The following NRXN1 variants were observed in gnomAD, a reference collection of about 807,000 sequenced individuals.
The protein encoded by NRXN1 is neurexin-1.
NRXN1 carries 39 observed loss-of-function variants against 150.9 expected under a neutral mutation model. The observed-to-expected ratio is 0.26, with a 90% CI of 0.20 to 0.34. NRXN1 has a LOEUF of 0.34. NRXN1 is among the 10% of genes least tolerant of loss of function. The pLI, the probability that NRXN1 is intolerant of heterozygous loss-of-function variation, is 1.00. For missense variants in NRXN1, 1,815 were observed against 1,949.9 expected (o/e 0.93, Z 1.30); for synonymous variants, 924 against 757.0 (o/e 1.22, Z -3.62).
Position 50,055,046 on chromosome 2 carries a change from T to C in NRXN1, c.3719-2A>G. The C allele has an allele frequency of 6.3e-7, 1 of 1,577,460 alleles. No individual in the cohort carries two copies. The highest frequency in any genetic ancestry group is 8.6e-7 in the Non-Finnish European group (1 of 1,160,500). ...CCAGGCGCTCGTTATCATTGTTTCCTTTAAAGTTTAAAGAGACATTTCATT... is the reference window on the plus strand; with the variant it reads ...CCAGGCGCTCGTTATCATTGTTTCCCTTAAAGTTTAAAGAGACATTTCATT... On this transcript the variant is annotated splice_acceptor_variant, in intron 19 of 22. Transcript: ENST00000401669. LOFTEE classifies it high-confidence loss of function.
intron 19 of NRXN1, among the ~76,000 whole-genome samples, chr2:50,090,878 A>G (rs1699466693): frequency 6.6e-6 from 1 of 152,004 alleles, no homozygotes; most frequent in Non-Finnish European, 1.5e-5. Context: ...CTACACTTTA[A>G]TGTGTTTCAG....
At chr2:50,525,053 CACTTGAGAA>C (rs1190499617) in intron 12 of NRXN1, among the ~76,000 whole-genome samples, 8 of 152,124 alleles carry the variant, frequency 5.3e-5, no homozygotes, top group African/African-American at 1.9e-4. Context: ...ACTAACAATG[CACTTGAGAA>C]AATTTCACAA....
At chr2:50,280,474 C>T (rs1289999177) in intron 17 of NRXN1, among the ~76,000 whole-genome samples, 4 of 152,040 alleles carry the variant, frequency 2.6e-5, no homozygotes, top group African/African-American at 9.7e-5. Context: ...TCCTGATGAA[C>T]CTCAGTCTTT....
At chr2:50,587,647 T>A (rs915646155) in intron 8 of NRXN1, among the ~76,000 whole-genome samples, 1 of 152,188 alleles carries the variant, frequency 6.6e-6, no homozygotes, top group Non-Finnish European at 1.5e-5. Flanking sequence ...GAAAAAAGTA[T>A]AACTAGCATA....
At position 50,230,598 on chromosome 2, in the gene NRXN1, T is replaced by C. The variant is rs75148879; in HGVS notation, c.3546+6191A>G. Among the ~76,000 whole-genome samples, 1,074 of 152,134 alleles carry C rather than the reference T, an allele frequency of 7.1e-3. 13 individuals are homozygous for C. Among genetic ancestry groups the C allele is most frequent in the African/African-American group, 0.024 (1,016 of 41,546 alleles). On this transcript the variant is annotated intron_variant, in intron 18 of 22. Transcript: ENST00000401669. Reference sequence around the variant, plus strand: ...GCAGTACAAGCCTCTAAGTGGTAAGTATGTGAACCGAGAAGAAGCTAGAAA... The same window carrying C: ...GCAGTACAAGCCTCTAAGTGGTAAGCATGTGAACCGAGAAGAAGCTAGAAA...
chr2:50,243,415 AT>A (rs1462031894), intron 17 of NRXN1, among the ~76,000 whole-genome samples: 15 of 151,726 alleles, frequency 9.9e-5, no homozygotes, highest in Non-Finnish European at 2.1e-4. Context: ...TTAATTATTA[AT>A]TTTTTATTAA....
At chr2:50,802,359 G>A (rs1707714966) in intron 5 of NRXN1, among the ~76,000 whole-genome samples, 1 of 152,112 alleles carries the variant, frequency 6.6e-6, no homozygotes, top group Non-Finnish European at 1.5e-5. Flanking sequence ...GAGCATGGTG[G>A]TGGGTGCCTG....
At chr2:50,176,156 A>G (rs2060342193) in intron 18 of NRXN1, among the ~76,000 whole-genome samples, 2 of 152,142 alleles carry the variant, frequency 1.3e-5, no homozygotes, top group South Asian at 2.1e-4. Flanking sequence ...CCACCATACA[A>G]GTTAAGAAAA....
At chr2:50,110,609 G>C (rs1200770683) in intron 18 of NRXN1, among the ~76,000 whole-genome samples, 1 of 152,018 alleles carries the variant, frequency 6.6e-6, no homozygotes, top group African/African-American at 2.4e-5. Flanking sequence ...TTTATATGTG[G>C]GGTGTGTGTG....
chr2:50,101,318 C>A (rs543802286), intron 18 of NRXN1, among the ~76,000 whole-genome samples: 2 of 152,072 alleles, frequency 1.3e-5, no homozygotes, highest in South Asian at 2.1e-4. Context: ...CCACCAGGAA[C>A]TGAACAGGAA....
At chr2:50,897,149 T>C (rs996316541) in intron 5 of NRXN1, among the ~76,000 whole-genome samples, 1 of 152,240 alleles carries the variant, frequency 6.6e-6, no homozygotes, top group African/African-American at 2.4e-5. Flanking sequence ...GCAGCTCTAC[T>C]GTTTATCAGC....
At chr2:50,825,613 CTGTT>C (rs1670341353) in intron 5 of NRXN1, among the ~76,000 whole-genome samples, 1 of 152,172 alleles carries the variant, frequency 6.6e-6, no homozygotes, top group African/African-American at 2.4e-5. Flanking sequence ...CTTCATCTGA[CTGTT>C]TATCTGTATC....
At chr2:50,742,430 C>T (rs1214256127) in intron 5 of NRXN1, among the ~76,000 whole-genome samples, 1 of 151,454 alleles carries the variant, frequency 6.6e-6, no homozygotes, top group African/African-American at 2.4e-5. Context: ...TCAAGACCAT[C>T]ACCCTGTCTC....
rs926006031 is a variant in NRXN1 at position 50,346,651 on chromosome 2, C to G, written c.3365-109681G>C. The stretch of plus-strand genomic sequence containing the variant: ...CGAGTGCAGGGTAGAAAGAGGGGAG[C>G]GAGGGGATAACCCGCGAGAACTTGG... On this transcript the variant is annotated intron_variant, in intron 17 of 22. Transcript: ENST00000401669. This position sits in a 1 kb window ranked among gnomAD's most constrained non-coding sequence, Gnocchi z 5.0. The G allele has an allele frequency of 6.9e-6, 11 of 1,604,486 alleles. No individual in the cohort carries two copies. The African/African-American group carries it at 1.3e-4, about 20-fold the overall frequency.
intron 17 of NRXN1, among the ~76,000 whole-genome samples, chr2:50,358,722 G>A (rs1352799715): frequency 6.6e-6 from 1 of 152,220 alleles, no homozygotes; most frequent in East Asian, 1.9e-4. Flanking sequence ...GCACATCGCT[G>A]GAGCTCTGCT....
At chr2:50,593,511 TAAG>T (rs1230969726) in intron 8 of NRXN1, among the ~76,000 whole-genome samples, 2 of 152,172 alleles carry the variant, frequency 1.3e-5, no homozygotes, top group Non-Finnish European at 1.5e-5. Context: ...AGCCATCAAA[TAAG>T]AAGATTTAGA....
chr2:50,181,207 T>C (rs2060689965), intron 18 of NRXN1, among the ~76,000 whole-genome samples: 1 of 151,756 alleles, frequency 6.6e-6, no homozygotes, highest in South Asian at 2.1e-4. Context: ...AAGTCTTAAC[T>C]ATCTTGAAAA....
intron 5 of NRXN1, among the ~76,000 whole-genome samples, chr2:50,852,344 T>C (rs2193225): frequency 0.41 from 62,778 of 152,106 alleles, 14,592 homozygotes; most frequent in Non-Finnish European, 0.55. Flanking sequence ...GAAAATGATT[T>C]TTTCCTCTGA....
chr2:50,829,999 G>GGAAAAAAAA lies in NRXN1; in HGVS notation c.832+91869_832+91870insTTTTTTTTC, dbSNP rs1425873902. 2.3e-3 allele frequency among the ~76,000 whole-genome samples: 132 copies of GGAAAAAAAA among 58,180 alleles called. 14 individuals are homozygous for GGAAAAAAAA. Among genetic ancestry groups the GGAAAAAAAA allele is most frequent in the East Asian group, 0.022 (29 of 1,308 alleles). The allele number at this position is 58,180 out of a possible 152,430, so 38.2% of individuals were successfully genotyped here. A position where few individuals can be genotyped will look rare whatever the true frequency, so the allele number is the denominator to read the frequency against. On this transcript the variant is annotated intron_variant, in intron 5 of 22. Coordinates refer to ENST00000401669, the MANE Select transcript of NRXN1 (RefSeq NM_001330078.2). ...GGAACCCAAAGAATACTGCCTGCTG[G>GGAAAAAAAA]AAAAAAAAAAAAAAAAAAAAAAAAA...
Sources: allele counts gnomAD v4.1 joint callset (sites outside exome capture counted in the v4.1 genomes callset), GRCh38; gene constraint gnomAD v4.1.1; non-coding constraint Gnocchi (gnomAD v3.1); transcripts MANE v1.5; gene names NCBI Gene and HGNC (gene_info 2026-07-23, HGNC 2026-07-21).